LTBP1: variants seen among roughly 807,000 people sequenced by gnomAD.
LTBP1 encodes latent transforming growth factor beta binding protein 1, also known as latent-transforming growth factor beta-binding protein 1.
Under a neutral mutation model 207.6 loss-of-function variants are expected in LTBP1, and 129 were observed. The ratio of observed to expected loss-of-function variants is 0.62; its 90% CI spans 0.54 to 0.72. The LOEUF is 0.72. Ranked by LOEUF, LTBP1 falls within the 30% of genes least tolerant of loss-of-function variation. The probability of loss-of-function intolerance (pLI) is 0.00; values close to 1 mark genes in which losing one functional copy is unlikely to be tolerated. For synonymous variants in LTBP1, 963 were observed against 833.7 expected, an observed-to-expected ratio of 1.16 and a Z score of -2.67; for missense variants, 2,281 against 2,217.2, an observed-to-expected ratio of 1.03 and a Z score of -0.58.
chr2:33,183,613 G>A (rs141105442), intron 5 of LTBP1, among the ~76,000 whole-genome samples: 16 of 152,248 alleles, frequency 1.1e-4, no homozygotes, highest in East Asian at 9.7e-4. Context: ...AAATTCATGC[G>A]TATTGGAACC....
chr2:33,324,614 A>T (rs1192987070), intron 24 of LTBP1, among the ~76,000 whole-genome samples: 20 of 152,022 alleles, frequency 1.3e-4, no homozygotes, highest in Non-Finnish European at 7.4e-5. Context: ...CATATATAAC[A>T]TGCAGATTAA....
At position 33,240,122 on chromosome 2, in the gene LTBP1, A is replaced by C. The variant is rs114422749; in HGVS notation, c.1877-3540A>C. ...ACCCGTCACGTTCCATACAGTTGTT[A>C]AGTCTGAATAGAATTACGGTTTACC... is the stretch of plus-strand genomic sequence containing the variant. On this transcript the variant is annotated intron_variant, in intron 9 of 33. Transcript: ENST00000404816. Among the ~76,000 whole-genome samples, 981 of 152,314 alleles carry C rather than the reference A, an allele frequency of 6.4e-3. 5 individuals carry two copies. The highest frequency in any genetic ancestry group is 0.011 in the Non-Finnish European group (742 of 68,018).
intron 13 of LTBP1, 61 bp downstream of exon 13, chr2:33,259,671 A>C (rs2092958485): frequency 6.7e-7 from 1 of 1,492,428 alleles, no homozygotes. Context: ...TTTCTATTAG[A>C]ATATGTATGG....
chr2:33,115,713 GT>G (rs1244217754), intron 4 of LTBP1, among the ~76,000 whole-genome samples: 1 of 152,054 alleles, frequency 6.6e-6, no homozygotes, highest in Non-Finnish European at 1.5e-5. Context: ...ATTCTATTGT[GT>G]TTAGTTTAGT....
At chr2:33,183,822 C>T (rs2086906014) in intron 5 of LTBP1, among the ~76,000 whole-genome samples, 1 of 152,196 alleles carries the variant, frequency 6.6e-6, no homozygotes, top group Non-Finnish European at 1.5e-5. Context: ...TTGACTTTCT[C>T]TTTTCTTACC....
intron 10 of LTBP1, among the ~76,000 whole-genome samples, chr2:33,244,060 GA>G (rs1190980256): frequency 2.6e-5 from 4 of 152,128 alleles, no homozygotes; most frequent in African/African-American, 9.7e-5. Flanking sequence ...TTGATGAAAA[GA>G]AAAGAGAGAA....
At chr2:32,968,208 C>T (rs1045500748) in intron 2 of LTBP1, among the ~76,000 whole-genome samples, 9 of 151,934 alleles carry the variant, frequency 5.9e-5, no homozygotes, top group South Asian at 2.1e-4. Flanking sequence ...TCAGGTGATC[C>T]GCCTGCCTTG....
chr2:33,144,405 C>T (rs1406252766), intron 5 of LTBP1, among the ~76,000 whole-genome samples: 2 of 152,260 alleles, frequency 1.3e-5, no homozygotes, highest in Admixed American at 6.5e-5. Context: ...TGCCTTGGAT[C>T]GTGCTTCTTC....
At chr2:33,183,285 C>T (rs1344788723) in intron 5 of LTBP1, among the ~76,000 whole-genome samples, 4 of 152,112 alleles carry the variant, frequency 2.6e-5, no homozygotes, top group East Asian at 3.9e-4. Context: ...TACTGTCTTT[C>T]GATTATCCAC....
chr2:33,398,729 A>AGAAGAG lies in LTBP1; in HGVS notation c.*184_*185insGAAGAG. On this transcript the variant is annotated 3_prime_UTR_variant, in exon 34 of 34. Coordinates refer to ENST00000404816, the MANE Select transcript of LTBP1 (RefSeq NM_206943.4). ...TGAGCCCGATAGGTGTGGCAGACCA[A>AGAAGAG]ATGGACATTTCTCTAAAAAACCAGT... The AGAAGAG allele has an allele frequency of 2.0e-6, 1 of 501,156 alleles. No individual in the cohort carries two copies. The highest frequency in any genetic ancestry group is 3.5e-6 in the Non-Finnish European group (1 of 289,758). The allele number at this position is 501,156 out of a possible 1,614,324, so 31.0% of individuals were successfully genotyped here.
intron 9 of LTBP1, among the ~76,000 whole-genome samples, chr2:33,235,146 A>G (rs112833903): frequency 0.033 from 5,102 of 152,332 alleles, 121 homozygotes; most frequent in Middle Eastern, 0.082. Context: ...TTTGCAGTCT[A>G]TCCATCTGAC....
intron 24 of LTBP1, among the ~76,000 whole-genome samples, chr2:33,317,539 G>A (rs2094290743): frequency 6.6e-6 from 1 of 152,208 alleles, no homozygotes; most frequent in Admixed American, 6.5e-5. Flanking sequence ...ACCTCTGGCT[G>A]TGCTGCAGGA....
At chr2:33,352,502 G>A (rs1442721405) in intron 26 of LTBP1, among the ~76,000 whole-genome samples, 2 of 151,854 alleles carry the variant, frequency 1.3e-5, no homozygotes, top group African/African-American at 4.8e-5. Flanking sequence ...CTCCCCATTC[G>A]TCATCCAAGC....
chr2:33,006,260 G>A (rs764196864), intron 2 of LTBP1, among the ~76,000 whole-genome samples: 18 of 151,896 alleles, frequency 1.2e-4, no homozygotes, highest in Non-Finnish European at 2.5e-4. Flanking sequence ...TTTGTTTAGT[G>A]ATTACACATT....
At chr2:33,090,362 C>A (rs1167140654) in intron 3 of LTBP1, among the ~76,000 whole-genome samples, 15 of 152,226 alleles carry the variant, frequency 9.9e-5, no homozygotes, top group Non-Finnish European at 4.4e-5. Flanking sequence ...GACTGATATT[C>A]TCATAATGGG....
rs1299947688 is a variant in LTBP1 at position 33,379,121 on chromosome 2, G to C, written c.4712-10063G>C. Among the ~76,000 whole-genome samples the C allele has an allele frequency of 3.3e-5, 5 of 150,488 alleles. No homozygotes were observed. In the East Asian group the frequency reaches 9.9e-4, roughly 30 times the overall value. On this transcript the variant is annotated intron_variant, in intron 31 of 33. Coordinates refer to ENST00000404816, the MANE Select transcript of LTBP1 (RefSeq NM_206943.4). Reference sequence around the variant, plus strand: ...GTGGCAGGCTGAGCTGTTTTGAGCAGTTGTGCTGATTGTACACTGCTCATT... The same window carrying C: ...GTGGCAGGCTGAGCTGTTTTGAGCACTTGTGCTGATTGTACACTGCTCATT...
At chr2:33,369,994 A>T (rs1318799104) in intron 31 of LTBP1, among the ~76,000 whole-genome samples, 2 of 151,544 alleles carry the variant, frequency 1.3e-5, no homozygotes, top group Non-Finnish European at 2.9e-5. Context: ...CCCCAGAACC[A>T]GGTTGCCCTG....
At chr2:33,039,304 A>C (rs2076072775) in intron 3 of LTBP1, among the ~76,000 whole-genome samples, 1 of 152,038 alleles carries the variant, frequency 6.6e-6, no homozygotes, top group Non-Finnish European at 1.5e-5. Flanking sequence ...CAGGAGAAAA[A>C]AAAAACACCA....
chr2:33,252,292 G>T (rs747361309), intron 10 of LTBP1, among the ~76,000 whole-genome samples: 6 of 152,198 alleles, frequency 3.9e-5, no homozygotes, highest in Non-Finnish European at 8.8e-5. Flanking sequence ...ACTAAATGCT[G>T]CCCTAGAGTT....
Sources: gnomAD v4.1 joint callset for allele counts (sites outside exome capture counted in the v4.1 genomes callset) on GRCh38, gnomAD v4.1.1 for gene constraint, MANE v1.5 for transcripts, NCBI Gene and HGNC (gene_info 2026-07-23, HGNC 2026-07-21) for gene names.